SERP2: variants seen among roughly 807,000 people sequenced by gnomAD.
SERP2 encodes the protein stress associated endoplasmic reticulum protein family member 2, also known as stress-associated endoplasmic reticulum protein 2.
Under a neutral mutation model 9.1 loss-of-function variants are expected in SERP2, and 6 were observed. The ratio of observed to expected loss-of-function variants is 0.66; its 90% CI spans 0.36 to 1.30. SERP2 has a LOEUF of 1.30. Ranked by LOEUF, SERP2 falls within the 50% of genes most tolerant of loss-of-function variation. The pLI is 0.03. For synonymous variants in SERP2, 37 were observed against 27.3 expected, an observed-to-expected ratio of 1.35 and a Z score of -1.10; for missense variants, 58 against 81.9, an observed-to-expected ratio of 0.71 and a Z score of 1.13.
chr13:44,384,833 A>G (rs939965886), intron 2 of SERP2, among the ~76,000 whole-genome samples: 1 of 152,210 alleles, frequency 6.6e-6, no homozygotes, highest in Admixed American at 6.5e-5. Flanking sequence ...TCTAATATTA[A>G]TAAAGATGTT....
intron 1 of SERP2, among the ~76,000 whole-genome samples, chr13:44,375,034 T>C (rs1194400977): frequency 6.6e-6 from 1 of 152,172 alleles, no homozygotes; most frequent in East Asian, 1.9e-4. Flanking sequence ...CCTGTGACTT[T>C]GGACATTCAG....
chr13:44,382,166 C>A (rs780161618), intron 2 of SERP2, among the ~76,000 whole-genome samples: 1 of 151,446 alleles, frequency 6.6e-6, no homozygotes, highest in Non-Finnish European at 1.5e-5. Context: ...AGGCTGGGCG[C>A]GGTGGCTCAC....
intron 2 of SERP2, among the ~76,000 whole-genome samples, chr13:44,393,462 C>T (rs536841013): frequency 1.3e-5 from 2 of 152,154 alleles, no homozygotes; most frequent in Non-Finnish European, 2.9e-5. Context: ...GCAGAGGCTT[C>T]GTGGGTCTGG....
intron 1 of SERP2, among the ~76,000 whole-genome samples, chr13:44,376,028 T>C (rs1469159377): frequency 6.6e-6 from 1 of 152,266 alleles, no homozygotes; most frequent in Non-Finnish European, 1.5e-5. Flanking sequence ...TGATATGTCA[T>C]GGGGTGGCCC....
chr13:44,374,130 G>C, intron 1 of SERP2, 21 bp downstream of exon 1: 1 of 1,185,980 alleles, frequency 8.4e-7, no homozygotes. Flanking sequence ...GTCGGCGCCG[G>C]CCAGGCAGAG....
At chr13:44,386,728 C>T (rs189644202) in intron 2 of SERP2, among the ~76,000 whole-genome samples, 18 of 152,348 alleles carry the variant, frequency 1.2e-4, no homozygotes, top group African/African-American at 4.3e-4. Flanking sequence ...AAATCCATTT[C>T]TTAATCAATA....
intron 2 of SERP2, among the ~76,000 whole-genome samples, chr13:44,392,701 A>C (rs1326351964): frequency 1.3e-5 from 2 of 152,156 alleles, no homozygotes; most frequent in Non-Finnish European, 2.9e-5. Flanking sequence ...GATCATGAGA[A>C]GGTCCTGTTG....
In SERP2 at chr13:44,397,534, C is replaced by G. The variant is rs1477635038; in HGVS notation, c.*222C>G. 1.7e-6 allele frequency: 1 copy of G among 579,950 alleles called. No homozygotes were observed. Among genetic ancestry groups the G allele is most frequent in the Non-Finnish European group, 3.1e-6 (1 of 324,770 alleles). 35.9% of individuals were successfully genotyped at this position (579,950 alleles called of 1,614,324 possible). On this transcript the variant is annotated 3_prime_UTR_variant, in exon 3 of 3. Coordinates refer to ENST00000379179, the MANE Select transcript of SERP2 (RefSeq NM_001010897.3). ...CAAGCGGAAAGGACATTTTGCTTTT[C>G]TGTTGGCAGGATTAGTAGCCACGCG...
intron 2 of SERP2, among the ~76,000 whole-genome samples, chr13:44,395,107 A>G (rs1157060332): frequency 1.3e-5 from 2 of 152,252 alleles, no homozygotes; most frequent in Admixed American, 1.3e-4. Context: ...CACAAGAACA[A>G]AGTCTGAGGC....
At chr13:44,388,893 G>GACTGGCT (rs1047897605) in intron 2 of SERP2, among the ~76,000 whole-genome samples, 1 of 152,166 alleles carries the variant, frequency 6.6e-6, no homozygotes, top group African/African-American at 2.4e-5. Context: ...CTTTCCCCAG[G>GACTGGCT]ACTGGCTGTT....
At chr13:44,396,491 T>C (rs1475154239) in intron 2 of SERP2, among the ~76,000 whole-genome samples, 1 of 150,110 alleles carries the variant, frequency 6.7e-6, no homozygotes, top group Non-Finnish European at 1.5e-5. Context: ...ATTACCATCA[T>C]CTTTGTCAAC....
In SERP2 at chr13:44,373,879, CG is replaced by C; in HGVS notation, c.-143del. 1.6e-6 allele frequency: 1 copy of C among 607,242 alleles called. No individual in the cohort carries two copies. The highest frequency in any genetic ancestry group is 2.8e-6 in the Non-Finnish European group (1 of 360,642). 37.6% of individuals were successfully genotyped at this position (607,242 alleles called of 1,614,324 possible). On this transcript the variant is annotated 5_prime_UTR_variant, in exon 1 of 3. Coordinates refer to ENST00000379179, the MANE Select transcript of SERP2 (RefSeq NM_001010897.3). This position sits in a 1 kb window ranked among gnomAD's most constrained non-coding sequence, Gnocchi z 4.8. ...AGTCGGCTAGCCGGGGCTCGGGGAGCGGGGTGCGCAGGGCTCGGGGCCACGC... is the reference window on the plus strand; with the variant it reads ...AGTCGGCTAGCCGGGGCTCGGGGAGCGGGTGCGCAGGGCTCGGGGCCACGC...
At chr13:44,374,275 G>A (rs1871504432) in intron 1 of SERP2, among the ~76,000 whole-genome samples, 166 bp downstream of exon 1, 1 of 152,152 alleles carries the variant, frequency 6.6e-6, no homozygotes, top group Non-Finnish European at 1.5e-5. Context: ...CTGGGTTCAG[G>A]GCGGCGCGGT....
chr13:44,378,366 G>A (rs1248563935), intron 1 of SERP2, among the ~76,000 whole-genome samples: 6 of 151,780 alleles, frequency 4.0e-5, no homozygotes, highest in Admixed American at 2.0e-4. Flanking sequence ...AGCACCACTC[G>A]TTTTTTTTGA....
At chr13:44,381,528 C>G (rs771603380) in intron 2 of SERP2, among the ~76,000 whole-genome samples, 4 of 152,122 alleles carry the variant, frequency 2.6e-5, no homozygotes, top group Non-Finnish European at 4.4e-5. Flanking sequence ...GGCAACTGAG[C>G]GAGACTGCGT....
intron 2 of SERP2, among the ~76,000 whole-genome samples, chr13:44,386,281 T>C (rs1244172746): frequency 6.6e-6 from 1 of 152,218 alleles, no homozygotes; most frequent in Non-Finnish European, 1.5e-5. Context: ...GTTATCTTTA[T>C]GAGATACAAA....
At chr13:44,394,572 T>G (rs894075344) in intron 2 of SERP2, among the ~76,000 whole-genome samples, 2 of 152,248 alleles carry the variant, frequency 1.3e-5, no homozygotes, top group African/African-American at 2.4e-5. Flanking sequence ...TTTGTTGACT[T>G]ACATCCTGCT....
At chr13:44,374,433 T>A (rs1006927056) in intron 1 of SERP2, among the ~76,000 whole-genome samples, 1 of 152,172 alleles carries the variant, frequency 6.6e-6, no homozygotes, top group African/African-American at 2.4e-5. Context: ...CTGGGCCTTG[T>A]CCCGGAGAAA....
chr13:44,389,478 T>TA (rs1457155991), intron 2 of SERP2, among the ~76,000 whole-genome samples: 9 of 152,206 alleles, frequency 5.9e-5, no homozygotes, highest in African/African-American at 2.2e-4. Flanking sequence ...GCTGTTCTTG[T>TA]AATTATGTTT....
Sources: allele counts gnomAD v4.1 joint callset (sites outside exome capture counted in the v4.1 genomes callset), GRCh38; gene constraint gnomAD v4.1.1; non-coding constraint Gnocchi (gnomAD v3.1); transcripts MANE v1.5; gene names NCBI Gene and HGNC (gene_info 2026-07-23, HGNC 2026-07-21).